The following TRPM3 variants were observed in gnomAD, a reference collection of about 807,000 sequenced individuals.
TRPM3 encodes the protein long transient receptor potential channel 3.
A neutral mutation model predicts 181.2 loss-of-function variants in TRPM3; 77 were observed. The ratio of observed to expected loss-of-function variants is 0.42; its 90% CI spans 0.35 to 0.51. The LOEUF is 0.51. TRPM3 is among the 20% of genes least tolerant of loss of function. The pLI is 0.01. For missense variants in TRPM3, 1,759 were observed against 2,196.7 expected, an observed-to-expected ratio of 0.80 and a Z score of 3.98; for synonymous variants, 745 against 796.4, an observed-to-expected ratio of 0.94 and a Z score of 1.09.
At chr9:71,381,235 A>G (rs2092792853) in intron 1 of TRPM3, among the ~76,000 whole-genome samples, 1 of 152,150 alleles carries the variant, frequency 6.6e-6, no homozygotes, top group Admixed American at 6.6e-5. Flanking sequence ...TGGACAAAGA[A>G]AATTGAAATT....
intron 1 of TRPM3, among the ~76,000 whole-genome samples, chr9:70,922,992 A>T (rs1466669109): frequency 4.6e-5 from 7 of 152,230 alleles, no homozygotes; most frequent in African/African-American, 1.7e-4. Flanking sequence ...TCCACGTATC[A>T]AAAGTAATGG....
chr9:70,952,328 T>C (rs1021808022), intron 1 of TRPM3, among the ~76,000 whole-genome samples: 1 of 152,220 alleles, frequency 6.6e-6, no homozygotes, highest in South Asian at 2.1e-4. Context: ...ATGATACTGT[T>C]CTTAATAGGG....
At chr9:70,869,067 T>A in intron 1 of TRPM3, 1 of 985,156 alleles carries the variant, frequency 1.0e-6, no homozygotes, top group African/African-American at 1.7e-5. Flanking sequence ...CTAGGGCTGG[T>A]CATTCCGTTA....
chr9:71,126,299 A>G (rs775710497), upstream of TRPM3, among the ~76,000 whole-genome samples: 1 of 152,236 alleles, frequency 6.6e-6, no homozygotes, highest in African/African-American at 2.4e-5. Context: ...AATTAGTTCA[A>G]TCATTGTGGA....
At chr9:71,206,453 A>G (rs902082766) in intron 1 of TRPM3, among the ~76,000 whole-genome samples, 1 of 150,330 alleles carries the variant, frequency 6.7e-6, no homozygotes, top group African/African-American at 2.4e-5. Flanking sequence ...TTTTTCTTAT[A>G]AATTTAAGTT....
intron 1 of TRPM3, among the ~76,000 whole-genome samples, chr9:71,408,492 A>G (rs2093479994): frequency 6.6e-6 from 1 of 152,176 alleles, no homozygotes; most frequent in African/African-American, 2.4e-5. Flanking sequence ...TCAAGTGGAA[A>G]AAAGGGTATC....
chr9:71,333,621 G>A (rs577835370), intron 1 of TRPM3, among the ~76,000 whole-genome samples: 15 of 151,962 alleles, frequency 9.9e-5, no homozygotes, highest in South Asian at 4.2e-4. Flanking sequence ...CAACAACCAC[G>A]GGAGTCAGCT....
chr9:70,859,972 A>G (rs2095483345), intron 3 of TRPM3, among the ~76,000 whole-genome samples: 2 of 152,186 alleles, frequency 1.3e-5, no homozygotes, highest in South Asian at 4.1e-4. Flanking sequence ...CCTGTCACCA[A>G]TGCCATTCAC....
At chr9:70,977,497 C>A (rs147076641) in intron 1 of TRPM3, among the ~76,000 whole-genome samples, 140 of 152,330 alleles carry the variant, frequency 9.2e-4, no homozygotes, top group South Asian at 2.3e-3. Context: ...TGTCCCACAC[C>A]AACCAATTCT....
intron 6 of TRPM3, chr9:70,827,323 G>C (rs919750933): frequency 7.1e-6 from 1 of 140,084 alleles, no homozygotes; most frequent in African/African-American, 2.7e-5. Flanking sequence ...TAGAAACATT[G>C]TCTCTTAATA....
At chr9:71,174,426 C>T (rs1197333315) in intron 1 of TRPM3, among the ~76,000 whole-genome samples, 1 of 152,070 alleles carries the variant, frequency 6.6e-6, no homozygotes, top group Non-Finnish European at 1.5e-5. Flanking sequence ...CCTGTAATCC[C>T]AGCTACTTGG....
chr9:70,911,028 A>G (rs2096532248), intron 1 of TRPM3, among the ~76,000 whole-genome samples: 1 of 152,220 alleles, frequency 6.6e-6, no homozygotes, highest in Non-Finnish European at 1.5e-5. Flanking sequence ...ACTGAGTCTG[A>G]AAAGTGTTTT....
chr9:71,358,971 C>T (rs1028146430), intron 1 of TRPM3, among the ~76,000 whole-genome samples: 1 of 152,178 alleles, frequency 6.6e-6, no homozygotes, highest in African/African-American at 2.4e-5. Context: ...GTTCTTTACG[C>T]ATCAAAATAA....
At chr9:71,122,377 G>C (rs1246595521), upstream of TRPM3, among the ~76,000 whole-genome samples, 2 of 152,214 alleles carry the variant, frequency 1.3e-5, no homozygotes, top group Admixed American at 1.3e-4. Context: ...CACATAGTAA[G>C]TTGGGACGGT....
At chr9:70,966,817 T>C (rs1032218378) in intron 1 of TRPM3, among the ~76,000 whole-genome samples, 2 of 152,056 alleles carry the variant, frequency 1.3e-5, no homozygotes, top group African/African-American at 2.4e-5. Flanking sequence ...TAAAATAATC[T>C]GTACAACAAA....
intron 1 of TRPM3, among the ~76,000 whole-genome samples, chr9:71,328,096 A>G (rs1385472927): frequency 6.6e-6 from 1 of 151,340 alleles, no homozygotes; most frequent in African/African-American, 2.4e-5. Flanking sequence ...AAAAAACCCC[A>G]AGTGACAAGA....
rs1822561782 is a variant in TRPM3, at chr9:71,174,406, G to A, written c.183+272247C>T. 3.9e-5 allele frequency among the ~76,000 whole-genome samples: 6 copies of A among 152,284 alleles called. No homozygotes were observed. The South Asian group carries it at 1.2e-3, about 32-fold the overall frequency. On this transcript the variant is annotated intron_variant, in intron 1 of 24. Coordinates refer to the TRPM3 transcript ENST00000357533. The stretch of plus-strand genomic sequence containing the variant: ...AAAATACAAAAATTAGCCAGGTGTA[G>A]TGGTAGGTGCCTGTAATCCCAGCTA...
chr9:71,033,246 A>G (rs2057761737), intron 1 of TRPM3, among the ~76,000 whole-genome samples: 1 of 152,230 alleles, frequency 6.6e-6, no homozygotes, highest in Non-Finnish European at 1.5e-5. Context: ...AAAGCGTCCT[A>G]AGTAAGATAC....
chr9:71,205,438 T>C (rs1041929898), intron 1 of TRPM3, among the ~76,000 whole-genome samples: 1 of 152,118 alleles, frequency 6.6e-6, no homozygotes, highest in African/African-American at 2.4e-5. Flanking sequence ...TAGGTGTGCT[T>C]CTTTTACCTA....
Sources: gnomAD v4.1 joint callset for allele counts (sites outside exome capture counted in the v4.1 genomes callset) on GRCh38, gnomAD v4.1.1 for gene constraint, MANE v1.5 for transcripts, NCBI Gene and HGNC (gene_info 2026-07-23, HGNC 2026-07-21) for gene names.